The following DDX10 variants were observed in gnomAD, a reference collection of about 807,000 sequenced individuals.
DDX10 encodes DEAD-box helicase 10, also known as probable ATP-dependent RNA helicase DDX10.
DDX10 carries 74 observed loss-of-function variants against 104.3 expected under a neutral mutation model. The observed-to-expected ratio is 0.71, with a 90% CI of 0.59 to 0.86. The LOEUF (loss-of-function observed/expected upper bound fraction) is 0.86. Among genes scored for constraint, DDX10 ranks in the 40% least tolerant of loss-of-function variants. DDX10 has a pLI of 0.00. For missense variants in DDX10, 952 were observed against 1,040.0 expected (o/e 0.92, Z 1.16); for synonymous variants, 351 against 353.4 (o/e 0.99, Z 0.08).
intron 15 of DDX10, among the ~76,000 whole-genome samples, chr11:108,842,881 G>A (rs77208806): frequency 0.034 from 5,135 of 152,230 alleles, 293 homozygotes; most frequent in African/African-American, 0.12. Flanking sequence ...AGCAGTAAAA[G>A]AAATATGAAG....
At chr11:108,855,120 C>T (rs1862847853) in intron 16 of DDX10, among the ~76,000 whole-genome samples, 1 of 152,146 alleles carries the variant, frequency 6.6e-6, no homozygotes, top group African/African-American at 2.4e-5. Context: ...TTGAATTGCA[C>T]AATAGAATTG....
intron 12 of DDX10, among the ~76,000 whole-genome samples, chr11:108,722,069 C>T (rs1003637972): frequency 4.6e-5 from 7 of 152,132 alleles, no homozygotes; most frequent in African/African-American, 1.4e-4. Context: ...CTTAGCATCC[C>T]GTTTTGCAAA....
intron 13 of DDX10, among the ~76,000 whole-genome samples, chr11:108,744,377 A>G (rs1430893400): frequency 6.6e-6 from 1 of 152,104 alleles, no homozygotes; most frequent in African/African-American, 2.4e-5. Flanking sequence ...TAGAACCCCA[A>G]CTTTATTCAT....
intron 13 of DDX10, among the ~76,000 whole-genome samples, chr11:108,727,483 C>T (rs182828970): frequency 2.6e-4 from 39 of 152,174 alleles, no homozygotes; most frequent in African/African-American, 8.9e-4. Flanking sequence ...CATTTCCCTG[C>T]CTTCTCTACT....
At chr11:108,846,895 C>G (rs1449186430) in intron 15 of DDX10, among the ~76,000 whole-genome samples, 1 of 152,120 alleles carries the variant, frequency 6.6e-6, no homozygotes, top group Non-Finnish European at 1.5e-5. Context: ...CTCAAGCTGC[C>G]TGCTTGCCAA....
chr11:108,758,504 T>G (rs1292422253), intron 13 of DDX10, among the ~76,000 whole-genome samples: 2 of 152,110 alleles, frequency 1.3e-5, no homozygotes, highest in Non-Finnish European at 2.9e-5. Flanking sequence ...CAAAGTTATC[T>G]TAGAGTTCTG....
chr11:108,922,469 T>C (rs2134668371), intron 17 of DDX10, among the ~76,000 whole-genome samples: 1 of 152,320 alleles, frequency 6.6e-6, no homozygotes, highest in South Asian at 2.1e-4. Context: ...GTAACACTTT[T>C]GTTTCTCCAC....
intron 17 of DDX10, among the ~76,000 whole-genome samples, chr11:108,938,755 A>G (rs183843996): frequency 6.6e-6 from 1 of 152,308 alleles, no homozygotes; most frequent in East Asian, 1.9e-4. Flanking sequence ...GTGAAAGAGA[A>G]TGGCTGAGTC....
chr11:108,754,125 T>G (rs1025382688), intron 13 of DDX10, among the ~76,000 whole-genome samples: 1 of 152,064 alleles, frequency 6.6e-6, no homozygotes, highest in Admixed American at 6.6e-5. Context: ...TATAATGGCC[T>G]GTTTTCTGTT....
At chr11:108,891,956 G>A (rs140503189) in intron 16 of DDX10, among the ~76,000 whole-genome samples, 3 of 152,220 alleles carry the variant, frequency 2.0e-5, no homozygotes, top group East Asian at 1.9e-4. Context: ...TAGTATTATC[G>A]ATAGCTTCTT....
intron 16 of DDX10, among the ~76,000 whole-genome samples, chr11:108,863,289 A>C (rs72993521): frequency 6.6e-6 from 1 of 152,172 alleles, no homozygotes; most frequent in African/African-American, 2.4e-5. Context: ...ATGATTCCAG[A>C]TAAAATGTTA....
chr11:108,898,685 A>G (rs1863473060), intron 16 of DDX10, among the ~76,000 whole-genome samples: 1 of 151,320 alleles, frequency 6.6e-6, no homozygotes, highest in African/African-American at 2.4e-5. Context: ...AACAAGCGAG[A>G]TTTCTACCAT....
chr11:108,740,409 C>T (rs1376440035), intron 13 of DDX10, among the ~76,000 whole-genome samples: 2 of 152,098 alleles, frequency 1.3e-5, no homozygotes, highest in South Asian at 2.1e-4. Flanking sequence ...TAGGTTGATT[C>T]CATGTCTTTG....
chr11:108,729,662 A>G (rs927228730), intron 13 of DDX10, among the ~76,000 whole-genome samples: 1 of 151,876 alleles, frequency 6.6e-6, no homozygotes, highest in Non-Finnish European at 1.5e-5. Flanking sequence ...TGTTAATACT[A>G]TACATCAGGC....
At chr11:108,840,755 C>T (rs138270216) in intron 14 of DDX10, among the ~76,000 whole-genome samples, 289 of 152,300 alleles carry the variant, frequency 1.9e-3, no homozygotes, top group African/African-American at 6.8e-3. Context: ...ATTCATTGAT[C>T]CATTTTGAGC....
chr11:108,927,516 A>G (rs1489675529), intron 17 of DDX10, among the ~76,000 whole-genome samples: 1 of 152,160 alleles, frequency 6.6e-6, no homozygotes, highest in African/African-American at 2.4e-5. Flanking sequence ...TGCTCACTCC[A>G]CTAGATTGTG....
intron 16 of DDX10, among the ~76,000 whole-genome samples, chr11:108,886,328 G>A (rs1863295733): frequency 6.6e-6 from 1 of 152,132 alleles, no homozygotes; most frequent in Non-Finnish European, 1.5e-5. Context: ...AGAAAGCTTA[G>A]GTAAAATACA....
chr11:108,743,487 C>A (rs901727539), intron 13 of DDX10, among the ~76,000 whole-genome samples: 1 of 152,124 alleles, frequency 6.6e-6, no homozygotes, highest in African/African-American at 2.4e-5. Context: ...CCCTCTCTCA[C>A]CACTTGTATT....
At chr11:108,717,877 G>C (rs2094293512) in intron 11 of DDX10, among the ~76,000 whole-genome samples, 2 of 152,146 alleles carry the variant, frequency 1.3e-5, no homozygotes, top group South Asian at 4.1e-4. Context: ...TGTCTTGGAT[G>C]GCTGGTTGGG....
Sources: allele counts gnomAD v4.1 joint callset (sites outside exome capture counted in the v4.1 genomes callset), GRCh38; gene constraint gnomAD v4.1.1; transcripts MANE v1.5; gene names NCBI Gene and HGNC (gene_info 2026-07-23, HGNC 2026-07-21).